STPG2: variants seen among roughly 807,000 people sequenced by gnomAD.
The protein encoded by STPG2 is sperm-tail PG-rich repeat-containing protein 2.
In STPG2, 56 loss-of-function variants were observed where a neutral mutation model predicts 54.2. The observed-to-expected ratio is 1.03, with a 90% confidence interval of 0.83 to 1.29. STPG2 has a LOEUF of 1.29. STPG2 is among the 50% of genes most tolerant of loss of function. The pLI is 0.00. For synonymous variants in STPG2, 200 were observed against 181.8 expected, an observed-to-expected ratio of 1.10 and a Z score of -0.81; for missense variants, 596 against 544.9, an observed-to-expected ratio of 1.09 and a Z score of -0.93.
chr4:97,543,455 C>T (rs1158855454), intron 4 of STPG2, among the ~76,000 whole-genome samples: 3 of 151,016 alleles, frequency 2.0e-5, no homozygotes, highest in Non-Finnish European at 4.4e-5. Flanking sequence ...CAATTTTTTC[C>T]TTACGGGAAA....
intron 9 of STPG2, among the ~76,000 whole-genome samples, chr4:97,806,443 A>C (rs758060191): frequency 2.0e-5 from 3 of 152,162 alleles, no homozygotes; most frequent in Non-Finnish European, 4.4e-5. Context: ...AGGATCATTC[A>C]TACCCCAAAC....
intron 10 of STPG2, among the ~76,000 whole-genome samples, chr4:97,693,850 A>G (rs1723462985): frequency 6.6e-6 from 1 of 152,216 alleles, no homozygotes; most frequent in South Asian, 2.1e-4. Context: ...TTGGAAATAC[A>G]TTCCAAAAGG....
At chr4:97,763,304 C>T (rs1725943815) in intron 9 of STPG2, among the ~76,000 whole-genome samples, 2 of 152,152 alleles carry the variant, frequency 1.3e-5, no homozygotes, top group East Asian at 1.9e-4. Flanking sequence ...TTTAAGCATG[C>T]TGCCCTAACC....
chr4:98,070,345 T>A (rs28421878), intron 5 of STPG2, among the ~76,000 whole-genome samples: 11,576 of 152,030 alleles, frequency 0.076, 515 homozygotes, highest in African/African-American at 0.1. Flanking sequence ...CTCAATAAAC[T>A]ACATATTGAA....
chr4:97,494,737 G>A (rs1245337377), intron 4 of STPG2, among the ~76,000 whole-genome samples: 1 of 148,072 alleles, frequency 6.8e-6, no homozygotes, highest in Non-Finnish European at 1.5e-5. Context: ...TTTTTTTTTT[G>A]TGGGACATAT....
chr4:97,471,247 G>T (rs1450027926), intron 4 of STPG2, among the ~76,000 whole-genome samples: 3 of 152,108 alleles, frequency 2.0e-5, no homozygotes, highest in African/African-American at 4.8e-5. Context: ...CACAGACAAG[G>T]GGTGGGGAGC....
chr4:97,964,369 A>G, intron 7 of STPG2, among the ~76,000 whole-genome samples: 1 of 152,174 alleles, frequency 6.6e-6, no homozygotes, highest in South Asian at 2.1e-4. Context: ...TTTGAAGGCA[A>G]TCATCCTTAA....
At chr4:97,601,368 A>G (rs975190669) in intron 10 of STPG2, among the ~76,000 whole-genome samples, 4 of 152,102 alleles carry the variant, frequency 2.6e-5, no homozygotes, top group African/African-American at 9.6e-5. Flanking sequence ...AAAGAATCTT[A>G]TATAAGTATA....
intron 9 of STPG2, among the ~76,000 whole-genome samples, chr4:97,829,867 A>G (rs1480401426): frequency 6.6e-6 from 1 of 152,108 alleles, no homozygotes; most frequent in Admixed American, 6.6e-5. Context: ...AGAAATATGG[A>G]ACTGTGTAAA....
intron 4 of STPG2, among the ~76,000 whole-genome samples, chr4:97,486,711 G>T (rs944012093): frequency 2.6e-5 from 4 of 151,490 alleles, no homozygotes; most frequent in Non-Finnish European, 4.4e-5. Context: ...AAAGATACTT[G>T]CACATGCATG....
chr4:97,493,119 TA>T (rs1730535941), intron 4 of STPG2, among the ~76,000 whole-genome samples: 2 of 150,936 alleles, frequency 1.3e-5, no homozygotes, highest in African/African-American at 4.9e-5. Flanking sequence ...ATAGGCCACC[TA>T]GAGACCAAGA....
chr4:97,912,313 G>A (rs775082674), intron 8 of STPG2, among the ~76,000 whole-genome samples: 1 of 152,178 alleles, frequency 6.6e-6, no homozygotes, highest in Non-Finnish European at 1.5e-5. Context: ...CTGGGCTGAG[G>A]CTGAGACCGC....
intron 9 of STPG2, among the ~76,000 whole-genome samples, chr4:97,718,414 AG>A: frequency 6.6e-6 from 1 of 152,168 alleles, no homozygotes; most frequent in South Asian, 2.1e-4. Flanking sequence ...TTACCTGTAT[AG>A]GTCTGCTAGG....
chr4:97,790,734 C>T (rs1192558614), intron 9 of STPG2, among the ~76,000 whole-genome samples: 1 of 152,180 alleles, frequency 6.6e-6, no homozygotes, highest in African/African-American at 2.4e-5. Flanking sequence ...TGCTCTTCTA[C>T]CTTCCTCTTC....
chr4:97,769,273 TACAGA>T (rs2149060952), intron 9 of STPG2, among the ~76,000 whole-genome samples: 1 of 152,244 alleles, frequency 6.6e-6, no homozygotes, highest in Admixed American at 6.5e-5. Context: ...GTTAACCTAG[TACAGA>T]ATGAGAGCCA....
chr4:97,493,852 A>G (rs116655354), intron 4 of STPG2, among the ~76,000 whole-genome samples: 2,092 of 151,694 alleles, frequency 0.014, 20 homozygotes, highest in Non-Finnish European at 0.021. Context: ...CAACTACCCT[A>G]GTGAAAAAGG....
chr4:97,747,496 C>T (rs1725455527), intron 9 of STPG2, among the ~76,000 whole-genome samples: 1 of 151,402 alleles, frequency 6.6e-6, no homozygotes, highest in Non-Finnish European at 1.5e-5. Context: ...CCTTCCTTTA[C>T]ATCCTTTTAC....
chr4:98,095,001 T>C (rs1409408721), intron 5 of STPG2, among the ~76,000 whole-genome samples: 1 of 151,888 alleles, frequency 6.6e-6, no homozygotes, highest in South Asian at 2.1e-4. Flanking sequence ...GGTAGTACAA[T>C]AGGACATAAG....
In STPG2 at chr4:98,002,680, T is replaced by G. The variant is rs111382894; in HGVS notation, c.613-21362A>C. Among the ~76,000 whole-genome samples, 894 of 152,164 alleles carry G rather than the reference T, an allele frequency of 5.9e-3. 6 individuals are homozygous for G. Among genetic ancestry groups the G allele is most frequent in the Middle Eastern group, 0.02 (6 of 294 alleles). Reference sequence around the variant, plus strand: ...AAGAAAATGATGGAGAAATTCTCATTCCCTAAATTGAGACTACTTGTAATT... The same window carrying G: ...AAGAAAATGATGGAGAAATTCTCATGCCCTAAATTGAGACTACTTGTAATT... On this transcript the variant is annotated intron_variant, in intron 5 of 10. Transcript: ENST00000295268.
Sources: gnomAD v4.1 joint callset for allele counts (sites outside exome capture counted in the v4.1 genomes callset) on GRCh38, gnomAD v4.1.1 for gene constraint, MANE v1.5 for transcripts, NCBI Gene and HGNC (gene_info 2026-07-23, HGNC 2026-07-21) for gene names.